APBA2: variants seen among roughly 807,000 people sequenced by gnomAD.
The protein encoded by APBA2 is amyloid beta precursor protein binding family A member 2.
A neutral mutation model predicts 75.0 loss-of-function variants in APBA2; 30 were observed. The ratio of observed to expected loss-of-function variants is 0.40; its 90% CI spans 0.30 to 0.54. The LOEUF (loss-of-function observed/expected upper bound fraction) is 0.54, where lower values mean the gene tolerates loss of function less well. Among genes scored for constraint, APBA2 ranks in the 20% least tolerant of loss-of-function variants. The pLI is 0.49. For synonymous variants in APBA2, 444 were observed against 409.6 expected, an observed-to-expected ratio of 1.08 and a Z score of -1.01; for missense variants, 801 against 1,016.1, an observed-to-expected ratio of 0.79 and a Z score of 2.88.
intron 6 of APBA2, among the ~76,000 whole-genome samples, chr15:29,083,719 T>TG (rs768190351): frequency 3.3e-5 from 5 of 152,068 alleles, no homozygotes; most frequent in Non-Finnish European, 7.4e-5. Context: ...TTAGTAGAGA[T>TG]GGGGTTTTGC....
intron 8 of APBA2, among the ~76,000 whole-genome samples, chr15:29,096,833 C>T (rs1033416793): frequency 1.3e-5 from 2 of 152,236 alleles, no homozygotes; most frequent in African/African-American, 4.8e-5. Flanking sequence ...GAGAATTATT[C>T]ACCTCGGTGG....
intron 2 of APBA2, among the ~76,000 whole-genome samples, chr15:28,930,255 G>A (rs75039035): frequency 0.059 from 8,975 of 152,130 alleles, 817 homozygotes; most frequent in African/African-American, 0.2. Context: ...CTTCCCCTCA[G>A]AAGTCATAAG....
chr15:28,915,254 A>ACACACATACCCCATACACACCACACAC (rs2033633157), intron 1 of APBA2, among the ~76,000 whole-genome samples: 1 of 151,756 alleles, frequency 6.6e-6, no homozygotes, highest in African/African-American at 2.4e-5. Flanking sequence ...ACCACACACC[A>ACACACATACCCCATACACACCACACAC]CACACATAGC....
intron 3 of APBA2, among the ~76,000 whole-genome samples, chr15:29,006,690 C>T (rs1361710162): frequency 6.6e-6 from 1 of 152,178 alleles, no homozygotes; most frequent in Admixed American, 6.5e-5. Flanking sequence ...CATCAGATCT[C>T]ATGAGATTTA....
intron 2 of APBA2, among the ~76,000 whole-genome samples, chr15:28,984,715 C>G (rs894653120): frequency 2.0e-5 from 3 of 151,598 alleles, no homozygotes; most frequent in African/African-American, 7.3e-5. Context: ...CCACTGCCAT[C>G]TCTGGGGGTT....
intron 2 of APBA2, among the ~76,000 whole-genome samples, chr15:28,968,199 G>T (rs2036845982): frequency 6.6e-6 from 1 of 152,192 alleles, no homozygotes; most frequent in African/African-American, 2.4e-5. Flanking sequence ...TGGACACTTG[G>T]GTTGTTTCCA....
In APBA2 at chr15:28,985,490, C is replaced by T. The variant is rs530118139; in HGVS notation, c.-94-10263C>T. Reference sequence around the variant, plus strand: ...ACTGTTTTTCAAAAAGGAAAGCATGCGTGGGATGTGTGTATTAGGTGTTAC... The same window carrying T: ...ACTGTTTTTCAAAAAGGAAAGCATGTGTGGGATGTGTGTATTAGGTGTTAC... On this transcript the variant is annotated intron_variant, in intron 2 of 14. Transcript: ENST00000683413. Among the ~76,000 whole-genome samples, 6 of 152,230 alleles carry T rather than the reference C, an allele frequency of 3.9e-5. No homozygotes were observed. In the South Asian group the frequency reaches 8.3e-4, roughly 21 times the overall value.
At chr15:28,896,806 AC>A (rs1322796110) in intron 1 of APBA2, among the ~76,000 whole-genome samples, 4 of 152,170 alleles carry the variant, frequency 2.6e-5, no homozygotes, top group Non-Finnish European at 5.9e-5. Flanking sequence ...CCCAGTGGTC[AC>A]CCTTTTAAAT....
intron 5 of APBA2, among the ~76,000 whole-genome samples, chr15:29,075,476 C>T (rs1316105745): frequency 1.3e-5 from 2 of 152,106 alleles, no homozygotes; most frequent in Non-Finnish European, 2.9e-5. Flanking sequence ...ACCCCATCCC[C>T]ATCCCTGATT....
intron 2 of APBA2, among the ~76,000 whole-genome samples, chr15:28,959,386 T>C (rs976156351): frequency 1.3e-5 from 2 of 152,194 alleles, no homozygotes; most frequent in African/African-American, 4.8e-5. Context: ...GAGAGGGTCT[T>C]TGAAGAGGTA....
At chr15:29,041,474 C>A (rs796530936) in intron 3 of APBA2, among the ~76,000 whole-genome samples, 54 of 147,742 alleles carry the variant, frequency 3.7e-4, no homozygotes, top group African/African-American at 1.3e-3. Context: ...CAGAGCAAGA[C>A]CCTGTCTCAG....
intron 3 of APBA2, among the ~76,000 whole-genome samples, chr15:29,005,709 A>T (rs2039079474): frequency 1.3e-5 from 2 of 152,134 alleles, no homozygotes; most frequent in Admixed American, 1.3e-4. Flanking sequence ...TACTAAAAAT[A>T]CAAAAATTGC....
Position 28,983,366 on chromosome 15 carries a change from G to A in APBA2, c.-94-12387G>A, listed in dbSNP as rs537476016. On this transcript the variant is annotated intron_variant, in intron 2 of 14. Coordinates refer to ENST00000683413, the MANE Select transcript of APBA2 (RefSeq NM_001353788.2). ...ATGTATTTGTGGTGTGTGTGTGGCG[G>A]GAGAGTAATTGGCTTTGGTTTTGAC... Among the ~76,000 whole-genome samples, 34 of 152,252 alleles carry A rather than the reference G, an allele frequency of 2.2e-4. No homozygotes were observed. In the South Asian group the frequency reaches 6.5e-3, roughly 29 times the overall value.
intron 4 of APBA2, among the ~76,000 whole-genome samples, chr15:29,071,499 G>A (rs1409416952): frequency 1.3e-5 from 2 of 151,306 alleles, no homozygotes; most frequent in African/African-American, 2.4e-5. Flanking sequence ...TCTGTTGGCT[G>A]TAGGGAGTTG....
At chr15:28,957,394 A>T (rs1049473973) in intron 2 of APBA2, among the ~76,000 whole-genome samples, 7 of 152,000 alleles carry the variant, frequency 4.6e-5, no homozygotes, top group African/African-American at 1.7e-4. Flanking sequence ...TCTTGTTTTC[A>T]CTTCCTTCGG....
intron 1 of APBA2, among the ~76,000 whole-genome samples, chr15:28,915,567 T>A (rs1341786057): frequency 7.0e-5 from 10 of 143,734 alleles, no homozygotes; most frequent in African/African-American, 2.6e-4. Context: ...ATACTCTATA[T>A]ACATATCACA....
intron 3 of APBA2, among the ~76,000 whole-genome samples, chr15:29,038,184 C>G (rs548826150): frequency 1.3e-5 from 2 of 152,306 alleles, no homozygotes; most frequent in South Asian, 4.1e-4. Context: ...CTGCCTTCCC[C>G]ACACTGTCTG....
intron 13 of APBA2, 177 bp downstream of exon 13, chr15:29,108,566 T>TCCTGGCTAGAAGGGGAGGG: frequency 1.0e-6 from 1 of 988,010 alleles, no homozygotes; most frequent in Non-Finnish European, 1.5e-6. Context: ...CTCTGGGAGG[T>TCCTGGCTAGAAGGGGAGGG]CCTGGCTAGA....
chr15:29,030,688 C>T (rs1309941446), intron 3 of APBA2, among the ~76,000 whole-genome samples: 1 of 151,076 alleles, frequency 6.6e-6, no homozygotes, highest in African/African-American at 2.4e-5. Flanking sequence ...TCTTTTGTGG[C>T]CTAATGCTAC....
Sources: allele counts gnomAD v4.1 joint callset (sites outside exome capture counted in the v4.1 genomes callset), GRCh38; gene constraint gnomAD v4.1.1; transcripts MANE v1.5; gene names NCBI Gene and HGNC (gene_info 2026-07-23, HGNC 2026-07-21).